The following AUTS2 variants were observed in gnomAD, a reference collection of about 807,000 sequenced individuals.
The protein encoded by AUTS2 is autism susceptibility gene 2 protein.
Under a neutral mutation model 112.4 loss-of-function variants are expected in AUTS2, and 17 were observed. The ratio of observed to expected loss-of-function variants is 0.15; its 90% CI spans 0.10 to 0.23. AUTS2 has a LOEUF of 0.23. Ranked by LOEUF, AUTS2 falls within the 10% of genes least tolerant of loss-of-function variation. The pLI is 1.00. For synonymous variants in AUTS2, 751 were observed against 702.7 expected, an observed-to-expected ratio of 1.07 and a Z score of -1.09; for missense variants, 1,510 against 1,701.6, an observed-to-expected ratio of 0.89 and a Z score of 1.98.
chr7:70,175,291 T>C (rs535141578), intron 4 of AUTS2, among the ~76,000 whole-genome samples: 27 of 152,304 alleles, frequency 1.8e-4, no homozygotes, highest in African/African-American at 6.5e-4. Flanking sequence ...ATCACCAAAA[T>C]TGAACAGATG....
intron 4 of AUTS2, among the ~76,000 whole-genome samples, chr7:70,352,370 T>G (rs942996079): frequency 6.6e-6 from 1 of 152,224 alleles, no homozygotes; most frequent in Admixed American, 6.5e-5. Flanking sequence ...TACAGTGACT[T>G]TTTAATCTTC....
At chr7:69,729,400 G>A (rs1336243881) in intron 1 of AUTS2, among the ~76,000 whole-genome samples, 1 of 140,682 alleles carries the variant, frequency 7.1e-6, no homozygotes, top group Non-Finnish European at 1.5e-5. Flanking sequence ...GGGATTAAGA[G>A]TTTTAAATGT....
chr7:70,591,412 G>A (rs1268141535), intron 5 of AUTS2, among the ~76,000 whole-genome samples: 1 of 151,784 alleles, frequency 6.6e-6, no homozygotes, highest in Admixed American at 6.6e-5. Context: ...TTGTTTGTTT[G>A]TTTTGAGACA....
intron 5 of AUTS2, among the ~76,000 whole-genome samples, chr7:70,546,622 CA>C (rs898001624): frequency 6.6e-6 from 1 of 151,412 alleles, no homozygotes; most frequent in African/African-American, 2.4e-5. Flanking sequence ...ACTAAAAATA[CA>C]AAAAAATTAG....
At chr7:70,364,617 AAAT>A (rs1415319877) in intron 4 of AUTS2, among the ~76,000 whole-genome samples, 2 of 142,508 alleles carry the variant, frequency 1.4e-5, no homozygotes, top group Admixed American at 7.1e-5. Flanking sequence ...AAATAAATAA[AAAT>A]TAAAAAGGGC....
intron 4 of AUTS2, among the ~76,000 whole-genome samples, chr7:70,415,434 A>G (rs1490246231): frequency 6.6e-6 from 1 of 152,236 alleles, no homozygotes; most frequent in African/African-American, 2.4e-5. Flanking sequence ...TCATGTATAC[A>G]GTGGTGATAT....
At chr7:70,003,264 A>G (rs1263963380) in intron 2 of AUTS2, among the ~76,000 whole-genome samples, 1 of 130,012 alleles carries the variant, frequency 7.7e-6, no homozygotes, top group Non-Finnish European at 1.6e-5. Context: ...AATATATAAT[A>G]TATTATATAT....
chr7:70,420,099 C>G (rs1385395244), intron 4 of AUTS2, among the ~76,000 whole-genome samples: 1 of 152,236 alleles, frequency 6.6e-6, no homozygotes, highest in Admixed American at 6.5e-5. Flanking sequence ...GCGAGGCTTT[C>G]TACACAGTCA....
At chr7:70,081,341 A>C (rs1803296828) in intron 2 of AUTS2, among the ~76,000 whole-genome samples, 1 of 150,542 alleles carries the variant, frequency 6.6e-6, no homozygotes, top group African/African-American at 2.4e-5. Context: ...ACTTGAGGTC[A>C]GGAGTTTGAG....
At chr7:70,241,221 T>C (rs1812595919) in intron 4 of AUTS2, among the ~76,000 whole-genome samples, 2 of 152,228 alleles carry the variant, frequency 1.3e-5, no homozygotes, top group South Asian at 4.1e-4. Context: ...GTCATATTCA[T>C]TATGATTTGT....
chr7:70,783,832 C>T (rs867965471), intron 15 of AUTS2: 1 of 152,052 alleles, frequency 6.6e-6, no homozygotes, highest in Non-Finnish European at 1.5e-5. Context: ...GGAAGCTAGC[C>T]TCCTTAGCTA....
intron 1 of AUTS2, among the ~76,000 whole-genome samples, chr7:69,618,692 G>T (rs1239788832): frequency 6.6e-6 from 1 of 152,114 alleles, no homozygotes; most frequent in African/African-American, 2.4e-5. Context: ...GTGTATATAT[G>T]ACTATGAAAT....
intron 2 of AUTS2, among the ~76,000 whole-genome samples, chr7:70,060,205 T>C (rs990310100): frequency 2.0e-5 from 3 of 152,184 alleles, no homozygotes; most frequent in East Asian, 1.9e-4. Flanking sequence ...CACTCTTTCT[T>C]TGGTATGCTT....
At chr7:70,089,810 G>C (rs978056980) in intron 2 of AUTS2, among the ~76,000 whole-genome samples, 1 of 151,606 alleles carries the variant, frequency 6.6e-6, no homozygotes, top group African/African-American at 2.4e-5. Flanking sequence ...GGAGTTCAAG[G>C]CCACCCTGTC....
chr7:70,171,905 T>TGAGG (rs1808714831), intron 4 of AUTS2, among the ~76,000 whole-genome samples: 2 of 146,706 alleles, frequency 1.4e-5, no homozygotes, highest in Admixed American at 1.4e-4. Context: ...TTTTTTTTTT[T>TGAGG]GGGGGGGGGT....
At chr7:70,084,187 C>CT (rs1018498778) in intron 2 of AUTS2, among the ~76,000 whole-genome samples, 1 of 151,804 alleles carries the variant, frequency 6.6e-6, no homozygotes, top group Non-Finnish European at 1.5e-5. Context: ...ACTGTTTGTC[C>CT]TTTTTTTTGG....
chr7:70,647,306 G>A (rs1362751871), intron 5 of AUTS2, among the ~76,000 whole-genome samples: 1 of 152,154 alleles, frequency 6.6e-6, no homozygotes. Context: ...CGGCTCTGGG[G>A]GCCGTGGGAG....
chr7:70,012,201 C>T (rs1028542188), intron 2 of AUTS2, among the ~76,000 whole-genome samples: 2 of 152,080 alleles, frequency 1.3e-5, no homozygotes, highest in African/African-American at 4.8e-5. Context: ...TGCTAACCTC[C>T]TTGGACAGGA....
In AUTS2 at chr7:70,766,432, C is replaced by A. The variant is rs773510064; in HGVS notation, c.1689+98C>A. On this transcript the variant is annotated intron_variant, in intron 9 of 18. Transcript: ENST00000342771. The surrounding 1 kb of genome is among the most constrained non-coding windows in gnomAD (Gnocchi z 4.8). ...GCTGGGCAGCGGGGCCACCAGAGAT[C>A]GAATGGGGACTGACGGCTGTTGGCT... is the stretch of plus-strand genomic sequence containing the variant. 3.5e-6 allele frequency: 5 copies of A among 1,421,072 alleles called. No individual in the cohort carries two copies. In the East Asian group the frequency reaches 1.1e-4, roughly 33 times the overall value. 88.0% of individuals were successfully genotyped at this position (1,421,072 alleles called of 1,614,324 possible). A position where few individuals can be genotyped will look rare whatever the true frequency, so the allele number is the denominator to read the frequency against.
Sources: gnomAD v4.1 joint callset for allele counts (sites outside exome capture counted in the v4.1 genomes callset) on GRCh38, gnomAD v4.1.1 for gene constraint, Gnocchi (gnomAD v3.1) non-coding constraint, MANE v1.5 for transcripts, NCBI Gene and HGNC (gene_info 2026-07-23, HGNC 2026-07-21) for gene names.